The following INTS6L variants were observed in gnomAD, a reference collection of about 807,000 sequenced individuals.
INTS6L encodes the protein integrator complex subunit 6-like.
A neutral mutation model predicts 64.7 loss-of-function variants in INTS6L; 18 were observed. The observed-to-expected ratio is 0.28, with a 90% CI of 0.19 to 0.41. The LOEUF (loss-of-function observed/expected upper bound fraction) is 0.41, where lower values mean the gene tolerates loss of function less well. Among genes scored for constraint, INTS6L ranks in the 10% least tolerant of loss-of-function variants. The probability of loss-of-function intolerance (pLI) is 1.00; values close to 1 mark genes in which losing one functional copy is unlikely to be tolerated. For missense variants in INTS6L, 533 were observed against 661.0 expected (o/e 0.81, Z 2.12); for synonymous variants, 227 against 235.9 (o/e 0.96, Z 0.34).
intron 13 of INTS6L, among the ~76,000 whole-genome samples, chrX:135,574,781 A>G (rs782127173): frequency 7.1e-5 from 8 of 112,047 alleles, no homozygotes; most frequent in Admixed American, 6.6e-4. Context: ...TTTGAAATGC[A>G]GAAGATATGT....
chrX:135,573,812 G>GA, intron 12 of INTS6L, 127 bp from the exon 13 acceptor site: 1 of 804,676 alleles, frequency 1.2e-6, no homozygotes, highest in East Asian at 3.9e-5. Flanking sequence ...TTGCCACTGG[G>GA]AAAATTCTAC....
chrX:135,577,359 A>G lies in INTS6L; in HGVS notation c.2051A>G (p.Lys684Arg). ...PPTVTNHVGGKGPPSASWFPS... is the reference protein window; with the variant it reads ...PPTVTNHVGGRGPPSASWFPS... ...ACTGTAACTAACCATGTGGGCGGAAAGGGACCACCCTCAGCCTCGTGGTTC... is the reference window on the plus strand; with the variant it reads ...ACTGTAACTAACCATGTGGGCGGAAGGGGACCACCCTCAGCCTCGTGGTTC... Residue 684 changes from lysine (K) to arginine (R), a missense_variant, in exon 15 of 18, where the codon AAG becomes AGG. Transcript: ENST00000639893. 1 of 1,212,063 alleles carries G rather than the reference A, an allele frequency of 8.3e-7. No homozygotes were observed. The highest frequency in any genetic ancestry group is 1.8e-5 in the South Asian group (1 of 57,010).
intron 1 of INTS6L, 33 bp downstream of exon 1, chrX:135,521,136 C>T (rs782350216): frequency 4.2e-6 from 5 of 1,187,161 alleles, no homozygotes; most frequent in South Asian, 3.6e-5. Context: ...ATGGGGAGAG[C>T]TCCCGAGGGA....
chrX:135,571,839 C>T (rs1369638105), intron 11 of INTS6L: 1 of 111,505 alleles, frequency 9.0e-6, no homozygotes, highest in Non-Finnish European at 1.9e-5. Context: ...CCTTTTGGGG[C>T]ACATGTATCA....
At chrX:135,575,358 CT>C in intron 14 of INTS6L, 132 bp downstream of exon 14, 4 of 808,410 alleles carry the variant, frequency 4.9e-6, no homozygotes, top group Non-Finnish European at 6.8e-6. Context: ...GACACTAAGG[CT>C]CTTAGTGGGA....
intron 2 of INTS6L, among the ~76,000 whole-genome samples, chrX:135,523,402 CAAAAAAAA>C (rs782434658): frequency 1.4e-4 from 5 of 36,972 alleles, no homozygotes; most frequent in East Asian, 2.2e-3. Context: ...ACTCTGTCGT[CAAAAAAAA>C]AAAAAAAAAA....
In INTS6L at chrX:135,521,253, G is replaced by A. The variant is rs1428022496; in HGVS notation, c.124G>A (p.Asp42Asn). The A allele has an allele frequency of 8.3e-7, 1 of 1,208,279 alleles. No homozygotes were observed. The highest frequency in any genetic ancestry group is 2.2e-5 in the Admixed American group (1 of 45,634). ...VELFLKLRAR[D>N]PASRGDRYML... ...CCTTGCCCCGCAGCTGCGCGCCCGG[G>A]ACCCGGCCAGCCGTGGAGACAGGTA... Residue 42 changes from aspartate (D) to asparagine (N), a missense_variant, in exon 2 of 18, where the codon GAC becomes AAC. Transcript: ENST00000639893.
rs1602761523 is a variant in INTS6L, at chrX:135,521,237, G to A, written c.112-4G>A. On this transcript the variant is annotated splice_polypyrimidine_tract_variant and splice_region_variant and intron_variant, in intron 1 of 17. Coordinates refer to ENST00000639893, the MANE Select transcript of INTS6L (RefSeq NM_001351601.3). ...GACCCCCTCCGTCATCCCTTGCCCC[G>A]CAGCTGCGCGCCCGGGACCCGGCCA... The A allele has an allele frequency of 8.3e-7, 1 of 1,206,081 alleles. No individual in the cohort carries two copies. Among genetic ancestry groups the A allele is most frequent in the Non-Finnish European group, 1.1e-6 (1 of 892,840 alleles).
chrX:135,541,893 T>C (rs1299933463), intron 2 of INTS6L, among the ~76,000 whole-genome samples: 1 of 112,511 alleles, frequency 8.9e-6, no homozygotes, highest in Non-Finnish European at 1.9e-5. Context: ...AAATGTATAC[T>C]CACTATCTCT....
chrX:135,551,447 T>C (rs1263192021), intron 7 of INTS6L, among the ~76,000 whole-genome samples: 1 of 112,492 alleles, frequency 8.9e-6, no homozygotes, highest in Non-Finnish European at 1.9e-5. Context: ...CAAAAATCCA[T>C]CTGGGCCCTG....
intron 7 of INTS6L, 91 bp downstream of exon 7, chrX:135,549,896 A>T: frequency 1.0e-6 from 1 of 995,833 alleles, no homozygotes; most frequent in Non-Finnish European, 1.4e-6. Context: ...TGAGGCCTTT[A>T]TGCCATGCCA....
At chrX:135,531,166 T>C (rs1420909614) in intron 2 of INTS6L, among the ~76,000 whole-genome samples, 1 of 112,766 alleles carries the variant, frequency 8.9e-6, no homozygotes, top group East Asian at 2.8e-4. Context: ...TTACTAATAT[T>C]CATCCTCTTT....
intron 7 of INTS6L, among the ~76,000 whole-genome samples, chrX:135,551,578 C>A (rs1556517009): frequency 1.8e-5 from 2 of 112,118 alleles, no homozygotes; most frequent in African/African-American, 6.5e-5. Flanking sequence ...GCATGGATTT[C>A]TTCATTCCCA....
rs1174366571 is a variant in INTS6L at position 135,579,682 on chromosome X, C to T, written c.2120-106C>T. ...TCAGATCGCCACCTGGTATATCATC[C>T]TGCTTTATGAGATAATTTCCTAGAA... On this transcript the variant is annotated intron_variant, in intron 15 of 17. Transcript: ENST00000639893. The T allele has an allele frequency of 3.8e-6, 4 of 1,053,700 alleles. No individual in the cohort carries two copies. The African/African-American group carries it at 5.7e-5, about 15-fold the overall frequency. The allele number at this position is 1,053,700 out of a possible 1,213,427, so 86.8% of individuals were successfully genotyped here.
chrX:135,542,496 T>C (rs1556513215), intron 2 of INTS6L, among the ~76,000 whole-genome samples: 3 of 98,332 alleles, frequency 3.1e-5, no homozygotes, highest in African/African-American at 1.2e-4. Context: ...AGACTCCATC[T>C]CAAAAAAAAG....
chrX:135,546,721 C>T lies in INTS6L; in HGVS notation c.449C>T (p.Ser150Phe). 8.3e-7 allele frequency: 1 copy of T among 1,207,155 alleles called. No homozygotes were observed. The highest frequency in any genetic ancestry group is 3.0e-5 in the East Asian group (1 of 33,721). The change falls in exon 5 of 18, where the codon TCC (serine) becomes TTC (phenylalanine). Residue 150 changes from serine to phenylalanine, a missense_variant. Coordinates refer to ENST00000639893, the MANE Select transcript of INTS6L (RefSeq NM_001351601.3). Reference sequence around the variant, plus strand: ...TATCAGCTCCATCTTCCTTTGAATTCCCCTCTGCCTGGAAGTGAACTAACC... The same window carrying T: ...TATCAGCTCCATCTTCCTTTGAATTTCCCTCTGCCTGGAAGTGAACTAACC... The part of the protein sequence containing the change: ...VQEELHLPLN[S>F]PLPGSELTKE...
intron 9 of INTS6L, among the ~76,000 whole-genome samples, chrX:135,566,517 AAC>A (rs2086955746): frequency 8.9e-6 from 1 of 111,917 alleles, no homozygotes; most frequent in Admixed American, 9.5e-5. Context: ...AATTGTTCAT[AAC>A]AGTGTCCCTT....
At chrX:135,528,431 G>T (rs1196188283) in intron 2 of INTS6L, among the ~76,000 whole-genome samples, 1 of 111,393 alleles carries the variant, frequency 9.0e-6, no homozygotes, top group Non-Finnish European at 1.9e-5. Context: ...TTCCATGAGG[G>T]GTGGGGACAC....
At chrX:135,562,003 AT>A (rs1228001031) in intron 9 of INTS6L, among the ~76,000 whole-genome samples, 1 of 110,254 alleles carries the variant, frequency 9.1e-6, no homozygotes, top group African/African-American at 3.3e-5. Context: ...AATCTTATCA[AT>A]TTTTTTTTAA....
Sources: gnomAD v4.1 joint callset for allele counts (sites outside exome capture counted in the v4.1 genomes callset) on GRCh38, gnomAD v4.1.1 for gene constraint, MANE v1.5 for transcripts, NCBI Gene and HGNC (gene_info 2026-07-23, HGNC 2026-07-21) for gene names.